The following SLC35F4 variants were observed in gnomAD, a reference collection of about 807,000 sequenced individuals.
SLC35F4 encodes the protein solute carrier family 35 member F4.
A neutral mutation model predicts 44.2 loss-of-function variants in SLC35F4; 24 were observed. The ratio of observed to expected loss-of-function variants is 0.54; its 90% CI spans 0.39 to 0.76. The LOEUF (loss-of-function observed/expected upper bound fraction) is 0.76. Among genes scored for constraint, SLC35F4 ranks in the 30% least tolerant of loss-of-function variants. The pLI is 0.00. For missense variants in SLC35F4, 562 were observed against 586.1 expected, an observed-to-expected ratio of 0.96 and a Z score of 0.42; for synonymous variants, 238 against 223.6, an observed-to-expected ratio of 1.06 and a Z score of -0.57.
At chr14:57,596,775 A>G in intron 1 of SLC35F4, 3 of 1,365,988 alleles carry the variant, frequency 2.2e-6, no homozygotes, top group Non-Finnish European at 9.8e-7. Flanking sequence ...TTTTCACTAA[A>G]ATATTATGTC....
At chr14:57,694,946 A>G (rs1208869743) in intron 1 of SLC35F4, among the ~76,000 whole-genome samples, 1 of 152,194 alleles carries the variant, frequency 6.6e-6, no homozygotes, top group Admixed American at 6.6e-5. Context: ...TTTTCTATGT[A>G]CAAAATAATA....
chr14:57,950,973 C>A (rs1890129295), intron 1 of SLC35F4, among the ~76,000 whole-genome samples: 1 of 152,100 alleles, frequency 6.6e-6, no homozygotes, highest in African/African-American at 2.4e-5. Flanking sequence ...CCTGGATAGA[C>A]TGTTTCTTAA....
At chr14:57,701,551 C>T (rs1037019060) in intron 1 of SLC35F4, among the ~76,000 whole-genome samples, 1 of 151,972 alleles carries the variant, frequency 6.6e-6, no homozygotes, top group Non-Finnish European at 1.5e-5. Context: ...TGATTTACAC[C>T]AGCATCACCA....
At chr14:57,726,018 C>A (rs1199888431) in intron 1 of SLC35F4, among the ~76,000 whole-genome samples, 2 of 152,126 alleles carry the variant, frequency 1.3e-5, no homozygotes, top group Admixed American at 1.3e-4. Context: ...GTTAGGATTG[C>A]CAACTGGATA....
chr14:57,630,652 C>A (rs1324389953), intron 1 of SLC35F4: 2 of 711,222 alleles, frequency 2.8e-6, no homozygotes, highest in East Asian at 5.7e-5. Flanking sequence ...AAATCGGTAT[C>A]AAGGTCTTGG....
intron 1 of SLC35F4, among the ~76,000 whole-genome samples, chr14:57,908,017 C>A (rs930119717): frequency 6.6e-6 from 1 of 152,070 alleles, no homozygotes; most frequent in African/African-American, 2.4e-5. Flanking sequence ...TGTTCAACTT[C>A]CACTTGTAAG....
intron 1 of SLC35F4, among the ~76,000 whole-genome samples, chr14:57,815,745 G>C (rs767008528): frequency 1.3e-5 from 2 of 151,928 alleles, no homozygotes; most frequent in African/African-American, 4.8e-5. Context: ...CCTAAATAGC[G>C]CATCTCCCAG....
intron 1 of SLC35F4, among the ~76,000 whole-genome samples, chr14:57,894,365 C>CA (rs1888830767): frequency 4.0e-5 from 6 of 151,828 alleles, no homozygotes; most frequent in South Asian, 2.1e-4. Context: ...ATTTAAATGG[C>CA]AAAAAAATGA....
intron 1 of SLC35F4, among the ~76,000 whole-genome samples, chr14:57,879,964 A>G (rs1235532911): frequency 6.6e-6 from 1 of 150,762 alleles, no homozygotes; most frequent in Non-Finnish European, 1.5e-5. Context: ...AGAAGGAAGG[A>G]AGGACGGAAG....
At chr14:57,821,989 G>A (rs1480349312) in intron 1 of SLC35F4, among the ~76,000 whole-genome samples, 1 of 152,166 alleles carries the variant, frequency 6.6e-6, no homozygotes, top group Non-Finnish European at 1.5e-5. Flanking sequence ...CCTGAGAGTA[G>A]GTGTCTCTTT....
At chr14:57,886,629 T>C (rs979089095) in intron 1 of SLC35F4, among the ~76,000 whole-genome samples, 1 of 152,164 alleles carries the variant, frequency 6.6e-6, no homozygotes, top group African/African-American at 2.4e-5. Context: ...CCTGAAGAAT[T>C]TGACTCTTAC....
chr14:57,703,651 C>T (rs2075598462), intron 1 of SLC35F4, among the ~76,000 whole-genome samples: 1 of 152,198 alleles, frequency 6.6e-6, no homozygotes, highest in African/African-American at 2.4e-5. Flanking sequence ...TCTATTTCCC[C>T]TGGATGCTAA....
At chr14:57,847,945 G>A (rs1442423078) in intron 1 of SLC35F4, among the ~76,000 whole-genome samples, 1 of 152,106 alleles carries the variant, frequency 6.6e-6, no homozygotes, top group Non-Finnish European at 1.5e-5. Flanking sequence ...TGCTCATTCA[G>A]GAAGTTTCAC....
chr14:57,870,638 T>C (rs1429087025), upstream of SLC35F4, among the ~76,000 whole-genome samples: 1 of 152,232 alleles, frequency 6.6e-6, no homozygotes, highest in Non-Finnish European at 1.5e-5. Context: ...CTCTATTTCA[T>C]AGTATTGCTG....
At chr14:57,615,092 G>C (rs2071733678) in intron 1 of SLC35F4, among the ~76,000 whole-genome samples, 1 of 152,120 alleles carries the variant, frequency 6.6e-6, no homozygotes, top group Admixed American at 6.5e-5. Flanking sequence ...TTAATACCAG[G>C]TAGGGCTGTC....
chr14:57,661,328 A>T (rs2074130316), intron 1 of SLC35F4, among the ~76,000 whole-genome samples: 1 of 152,142 alleles, frequency 6.6e-6, no homozygotes, highest in Non-Finnish European at 1.5e-5. Context: ...TAAGGGTCTC[A>T]TTACTGTTTG....
At chr14:57,921,044 A>T (rs1359951170) in intron 1 of SLC35F4, among the ~76,000 whole-genome samples, 2 of 152,198 alleles carry the variant, frequency 1.3e-5, no homozygotes, top group Non-Finnish European at 2.9e-5. Context: ...TTAGACACTC[A>T]CCATCTTCAG....
intron 1 of SLC35F4, among the ~76,000 whole-genome samples, chr14:57,606,923 G>T (rs534985650): frequency 6.6e-6 from 1 of 152,200 alleles, no homozygotes; most frequent in East Asian, 1.9e-4. Context: ...TAATTAATAA[G>T]TTATGGATGC....
At chr14:57,682,785 C>G (rs1242851444) in intron 1 of SLC35F4, among the ~76,000 whole-genome samples, 1 of 152,162 alleles carries the variant, frequency 6.6e-6, no homozygotes, top group African/African-American at 2.4e-5. Flanking sequence ...ACTTAACAAG[C>G]TGACTGACCT....
Sources: allele counts gnomAD v4.1 joint callset (sites outside exome capture counted in the v4.1 genomes callset), GRCh38; gene constraint gnomAD v4.1.1; transcripts MANE v1.5; gene names NCBI Gene and HGNC (gene_info 2026-07-23, HGNC 2026-07-21).